KCNIP1: variants seen among roughly 807,000 people sequenced by gnomAD.
The protein encoded by KCNIP1 is potassium voltage-gated channel interacting protein 1.
A neutral mutation model predicts 33.0 loss-of-function variants in KCNIP1; 18 were observed. The ratio of observed to expected loss-of-function variants is 0.55; its 90% confidence interval spans 0.38 to 0.81. The LOEUF (loss-of-function observed/expected upper bound fraction) is 0.81, where lower values mean the gene tolerates loss of function less well. Ranked by LOEUF, KCNIP1 falls within the 30% of genes least tolerant of loss-of-function variation. The probability of loss-of-function intolerance (pLI) is 0.00; values close to 1 mark genes in which losing one functional copy is unlikely to be tolerated. For synonymous variants in KCNIP1, 93 were observed against 98.3 expected, an observed-to-expected ratio of 0.95 and a Z score of 0.32; for missense variants, 238 against 271.6, an observed-to-expected ratio of 0.88 and a Z score of 0.87.
chr5:170,421,364 C>CT (rs1451968002), intron 1 of KCNIP1, among the ~76,000 whole-genome samples: 1 of 152,220 alleles, frequency 6.6e-6, no homozygotes, highest in Non-Finnish European at 1.5e-5. Context: ...CCCCAGAAAT[C>CT]ATGTGGTCTC....
At chr5:170,478,955 A>C (rs1256866777) in intron 1 of KCNIP1, among the ~76,000 whole-genome samples, 1 of 152,164 alleles carries the variant, frequency 6.6e-6, no homozygotes, top group Non-Finnish European at 1.5e-5. Context: ...TTGCTCCCAA[A>C]TGTTTCAATC....
intron 1 of KCNIP1, among the ~76,000 whole-genome samples, chr5:170,656,550 A>G (rs891338953): frequency 2.6e-5 from 4 of 152,318 alleles, no homozygotes; most frequent in Non-Finnish European, 5.9e-5. Flanking sequence ...AGAGCTGGAC[A>G]ATAAAGACCC....
intron 1 of KCNIP1, among the ~76,000 whole-genome samples, chr5:170,695,001 C>T (rs1010294988): frequency 3.9e-5 from 6 of 152,314 alleles, no homozygotes; most frequent in African/African-American, 1.4e-4. Context: ...ATTAATCAAA[C>T]CCATTCTCTA....
At chr5:170,427,939 T>C (rs77968145) in intron 1 of KCNIP1, among the ~76,000 whole-genome samples, 3,483 of 152,318 alleles carry the variant, frequency 0.023, 77 homozygotes, top group African/African-American at 0.051. Context: ...ATTTTCAGCA[T>C]ATGGTAGAAA....
chr5:170,583,063 G>C (rs534497769), intron 1 of KCNIP1, among the ~76,000 whole-genome samples: 30 of 152,336 alleles, frequency 2.0e-4, no homozygotes, highest in African/African-American at 7.2e-4. Flanking sequence ...CTGTGGGTGG[G>C]AGGGCTTTCA....
At chr5:170,679,647 G>A (rs1391407204) in intron 1 of KCNIP1, among the ~76,000 whole-genome samples, 1 of 151,544 alleles carries the variant, frequency 6.6e-6, no homozygotes, top group African/African-American at 2.4e-5. Flanking sequence ...GTGTGTGTGT[G>A]TGTGTGTGTG....
intron 1 of KCNIP1, among the ~76,000 whole-genome samples, chr5:170,653,209 T>C (rs937211913): frequency 6.6e-6 from 1 of 152,066 alleles, no homozygotes; most frequent in Non-Finnish European, 1.5e-5. Flanking sequence ...TCTGTCAGAG[T>C]TGCTGGATTT....
intron 1 of KCNIP1, chr5:170,420,454 A>C (rs1755453566): frequency 6.6e-6 from 1 of 150,984 alleles, no homozygotes; most frequent in African/African-American, 2.5e-5. Context: ...AATCACTTGA[A>C]CCTGGGAGGC....
chr5:170,526,874 C>T (rs1433913932), intron 1 of KCNIP1, among the ~76,000 whole-genome samples: 3 of 152,084 alleles, frequency 2.0e-5, no homozygotes, highest in African/African-American at 7.2e-5. Context: ...AGGTGCCTGC[C>T]ACCACACCCG....
At chr5:170,543,836 T>G (rs894305192) in intron 1 of KCNIP1, among the ~76,000 whole-genome samples, 2 of 152,244 alleles carry the variant, frequency 1.3e-5, no homozygotes, top group African/African-American at 4.8e-5. Flanking sequence ...ATCCTGAATC[T>G]GTTTAAAGAT....
At chr5:170,634,386 A>G (rs907264584) in intron 1 of KCNIP1, among the ~76,000 whole-genome samples, 3 of 152,124 alleles carry the variant, frequency 2.0e-5, no homozygotes, top group African/African-American at 7.2e-5. Context: ...ATAGGCCCAA[A>G]ATGATTCAAT....
intron 1 of KCNIP1, among the ~76,000 whole-genome samples, chr5:170,647,581 A>T (rs1181606661): frequency 6.6e-6 from 1 of 152,076 alleles, no homozygotes; most frequent in Non-Finnish European, 1.5e-5. Flanking sequence ...ATTAAAAAAA[A>T]AAAAGAGTCC....
chr5:170,477,093 A>G (rs927262960), intron 1 of KCNIP1, among the ~76,000 whole-genome samples: 2 of 152,192 alleles, frequency 1.3e-5, no homozygotes, highest in South Asian at 2.1e-4. Context: ...TTTCTGCTCA[A>G]TTTTACTGTG....
intron 1 of KCNIP1, among the ~76,000 whole-genome samples, chr5:170,488,095 G>A (rs1306222768): frequency 6.6e-6 from 1 of 152,126 alleles, no homozygotes; most frequent in Non-Finnish European, 1.5e-5. Flanking sequence ...GGTGCCTCCT[G>A]GAATAGCCTT....
At chr5:170,524,993 G>A (rs747881876) in intron 1 of KCNIP1, among the ~76,000 whole-genome samples, 4 of 152,220 alleles carry the variant, frequency 2.6e-5, no homozygotes, top group Admixed American at 2.0e-4. Flanking sequence ...AGGGTAAACC[G>A]ATGAGAGGAC....
intron 1 of KCNIP1, among the ~76,000 whole-genome samples, chr5:170,436,760 A>T (rs1755874031): frequency 6.6e-6 from 1 of 152,208 alleles, no homozygotes. Context: ...GGCCCAGTCT[A>T]GACCTAGAAG....
chr5:170,360,514 C>T (rs1416088295), intron 1 of KCNIP1, among the ~76,000 whole-genome samples: 2 of 152,178 alleles, frequency 1.3e-5, no homozygotes, highest in Non-Finnish European at 2.9e-5. Flanking sequence ...TCAAGTTCCC[C>T]ACCCTTCTTT....
intron 1 of KCNIP1, among the ~76,000 whole-genome samples, chr5:170,644,324 C>G (rs1221267939): frequency 4.6e-5 from 7 of 152,244 alleles, no homozygotes; most frequent in African/African-American, 1.7e-4. Context: ...CAGTCAGCAG[C>G]CGAGTGCGGG....
At chr5:170,567,098 G>A (rs1424462857) in intron 1 of KCNIP1, among the ~76,000 whole-genome samples, 1 of 152,190 alleles carries the variant, frequency 6.6e-6, no homozygotes, top group African/African-American at 2.4e-5. Context: ...GCAGGGGAAG[G>A]CCATCTTAGG....
Sources: gnomAD v4.1 joint callset for allele counts (sites outside exome capture counted in the v4.1 genomes callset) on GRCh38, gnomAD v4.1.1 for gene constraint, MANE v1.5 for transcripts, NCBI Gene and HGNC (gene_info 2026-07-23, HGNC 2026-07-21) for gene names.